Variants in PALM2AKAP2 observed in about 807,000 individuals in gnomAD.
PALM2AKAP2 encodes PALM2-AKAP2 fusion protein.
Under a neutral mutation model 71.5 loss-of-function variants are expected in PALM2AKAP2, and 37 were observed. The ratio of observed to expected loss-of-function variants is 0.52; its 90% confidence interval spans 0.40 to 0.68. The LOEUF (loss-of-function observed/expected upper bound fraction) is 0.68, where lower values mean the gene tolerates loss of function less well. Ranked by LOEUF, PALM2AKAP2 falls within the 30% of genes least tolerant of loss-of-function variation. The pLI, the probability that PALM2AKAP2 is intolerant of heterozygous loss-of-function variation, is 0.00. For missense variants in PALM2AKAP2, 1,224 were observed against 1,191.8 expected (o/e 1.03, Z -0.40); for synonymous variants, 468 against 478.8 (o/e 0.98, Z 0.29).
chr9:109,669,916 T>C (rs1357593969), intron 1 of PALM2AKAP2, among the ~76,000 whole-genome samples: 2 of 151,622 alleles, frequency 1.3e-5, no homozygotes, highest in Non-Finnish European at 2.9e-5. Context: ...ATTTTCATTC[T>C]TTTTTTTATT....
At chr9:110,099,636 G>A (rs1048360082) in intron 1 of PALM2AKAP2, among the ~76,000 whole-genome samples, 7 of 152,280 alleles carry the variant, frequency 4.6e-5, no homozygotes, top group African/African-American at 1.7e-4. Context: ...GCCCCCAGGG[G>A]GTGGAATTGT....
intron 6 of PALM2AKAP2, among the ~76,000 whole-genome samples, chr9:109,953,380 C>G (rs1249414185): frequency 6.6e-6 from 1 of 152,210 alleles, no homozygotes; most frequent in African/African-American, 2.4e-5. Flanking sequence ...ATTGAGGTTA[C>G]TGTCCTTTTA....
chr9:110,065,056 G>C (rs1371887740), intron 1 of PALM2AKAP2, among the ~76,000 whole-genome samples: 1 of 152,180 alleles, frequency 6.6e-6, no homozygotes, highest in African/African-American at 2.4e-5. Context: ...GTCCCCATCA[G>C]TAAGCTTTGG....
intron 1 of PALM2AKAP2, among the ~76,000 whole-genome samples, chr9:109,747,011 T>C (rs1307793444): frequency 1.3e-5 from 2 of 152,124 alleles, no homozygotes; most frequent in African/African-American, 4.8e-5. Flanking sequence ...GGAGTATGGG[T>C]AAGAGGGTTG....
At chr9:109,645,761 G>T (rs535296665) in intron 1 of PALM2AKAP2, among the ~76,000 whole-genome samples, 1 of 152,036 alleles carries the variant, frequency 6.6e-6, no homozygotes, top group Non-Finnish European at 1.5e-5. Context: ...AACAGGGAAG[G>T]GTGGGAAGGC....
chr9:110,118,164 A>AATATATATTATATATATATATTCCATGT (rs1190765088), intron 1 of PALM2AKAP2, among the ~76,000 whole-genome samples: 5 of 148,542 alleles, frequency 3.4e-5, no homozygotes, highest in African/African-American at 7.5e-5. Flanking sequence ...TATAAAATGG[A>AATATATATTATATATATATATTCCATGT]ATATATATTA....
intron 6 of PALM2AKAP2, among the ~76,000 whole-genome samples, chr9:110,002,184 G>A (rs112204923): frequency 5.9e-5 from 9 of 152,086 alleles, no homozygotes; most frequent in South Asian, 2.1e-4. Flanking sequence ...TTTGAGATAC[G>A]TCCCATCAAT....
At chr9:109,827,623 A>G (rs1467976916) in intron 1 of PALM2AKAP2, among the ~76,000 whole-genome samples, 2 of 152,168 alleles carry the variant, frequency 1.3e-5, no homozygotes. Context: ...AAGAAAAAAA[A>G]TTATGAGTTG....
intron 7 of PALM2AKAP2, among the ~76,000 whole-genome samples, chr9:110,035,315 C>CATATGTATTATATGTATAATACATATT (rs1833365806): frequency 7.8e-5 from 6 of 76,682 alleles, no homozygotes; most frequent in South Asian, 4.0e-4. Flanking sequence ...ATATTACATA[C>CATATGTATTATATGTATAATACATATT]ATATGTATTA....
At chr9:109,947,077 G>C (rs1475404717) in intron 6 of PALM2AKAP2, among the ~76,000 whole-genome samples, 1 of 152,216 alleles carries the variant, frequency 6.6e-6, no homozygotes, top group Non-Finnish European at 1.5e-5. Context: ...TGGAAGAGAA[G>C]GTAGGGAATG....
At chr9:110,011,011 AAAAATAT>A (rs1299136700) in intron 6 of PALM2AKAP2, among the ~76,000 whole-genome samples, 4 of 113,650 alleles carry the variant, frequency 3.5e-5, no homozygotes, top group Non-Finnish European at 6.8e-5. Flanking sequence ...AAAAAAAAAA[AAAAATAT>A]ATATATATAT....
rs2132223594 is a variant in PALM2AKAP2, at chr9:109,640,792, A to G, written c.-70A>G. The G allele has an allele frequency of 3.3e-6, 5 of 1,492,864 alleles. No individual in the cohort carries two copies. In the East Asian group the frequency reaches 1.1e-4, roughly 33 times the overall value. The allele number at this position is 1,492,864 out of a possible 1,614,324, so 92.5% of individuals were successfully genotyped here. A position where few individuals can be genotyped will look rare whatever the true frequency, so the allele number is the denominator to read the frequency against. On this transcript the variant is annotated 5_prime_UTR_variant, in exon 1 of 7. Transcript: ENST00000374531. Reference sequence around the variant, plus strand: ...ACCTCGCGCGCGGCGCGGCCAGTGCACTCGGCTCCGGGAGAGGCGAGCAGC... The same window carrying G: ...ACCTCGCGCGCGGCGCGGCCAGTGCGCTCGGCTCCGGGAGAGGCGAGCAGC...
chr9:109,891,564 T>C (rs964756254), intron 3 of PALM2AKAP2, among the ~76,000 whole-genome samples: 4 of 152,128 alleles, frequency 2.6e-5, no homozygotes, highest in Non-Finnish European at 5.9e-5. Flanking sequence ...CTCAGCTCAC[T>C]GCAACCTCCC....
chr9:109,737,164 A>T (rs1828649255), intron 1 of PALM2AKAP2, among the ~76,000 whole-genome samples: 1 of 152,232 alleles, frequency 6.6e-6, no homozygotes, highest in Non-Finnish European at 1.5e-5. Context: ...GCTCTGGATC[A>T]TAAGGCACCA....
intron 1 of PALM2AKAP2, among the ~76,000 whole-genome samples, chr9:110,051,972 G>A (rs1230081451): frequency 6.6e-6 from 1 of 151,034 alleles, no homozygotes. Flanking sequence ...GCGCGATCTC[G>A]GCTCACTGCA....
exon 2 of PALM2AKAP2, chr9:110,136,845 A>G (rs1428802846): frequency 6.2e-7 from 1 of 1,614,088 alleles, no homozygotes; most frequent in African/African-American, 1.3e-5. Flanking sequence ...GAGAAAGAAC[A>G]ATACTGCATT....
chr9:109,874,891 G>A lies in PALM2AKAP2; in HGVS notation c.127-5660G>A, dbSNP rs150584937. ...TTCTACCTCCAGAATGTACCACCAT[G>A]CCTTTTGATTCTTCTGTCTCTCTTC... On this transcript the variant is annotated intron_variant, in intron 2 of 9. Transcript: ENST00000302798. Among the ~76,000 whole-genome samples, 6 of 152,244 alleles carry A rather than the reference G, an allele frequency of 3.9e-5. No homozygotes were observed. The East Asian group carries it at 1.2e-3, about 29-fold the overall frequency.
At chr9:109,724,491 A>C (rs1047821591) in intron 1 of PALM2AKAP2, among the ~76,000 whole-genome samples, 2 of 149,642 alleles carry the variant, frequency 1.3e-5, no homozygotes, top group Non-Finnish European at 3.0e-5. Context: ...AAAGACACCA[A>C]ATAAATTTAT....
chr9:110,144,379 C>G (rs1836109974), intron 2 of PALM2AKAP2, among the ~76,000 whole-genome samples: 1 of 152,222 alleles, frequency 6.6e-6, no homozygotes, highest in Non-Finnish European at 1.5e-5. Flanking sequence ...AGAACATTCT[C>G]TGGTTACAAA....
Sources: allele counts gnomAD v4.1 joint callset (sites outside exome capture counted in the v4.1 genomes callset), GRCh38; gene constraint gnomAD v4.1.1; transcripts MANE v1.5; gene names NCBI Gene and HGNC (gene_info 2026-07-23, HGNC 2026-07-21).